The following RNF125 variants were observed in gnomAD, a reference collection of about 807,000 sequenced individuals.
RNF125 encodes E3 ubiquitin-protein ligase RNF125.
RNF125 carries 21 observed loss-of-function variants against 26.0 expected under a neutral mutation model. The observed-to-expected ratio is 0.81, with a 90% CI of 0.57 to 1.16. The LOEUF (loss-of-function observed/expected upper bound fraction) is 1.16, where lower values mean the gene tolerates loss of function less well. RNF125 is among the 50% of genes most tolerant of loss of function. The pLI, the probability that RNF125 is intolerant of heterozygous loss-of-function variation, is 0.00. For missense variants in RNF125, 270 were observed against 299.4 expected, an observed-to-expected ratio of 0.90 and a Z score of 0.72; for synonymous variants, 95 against 109.2, an observed-to-expected ratio of 0.87 and a Z score of 0.81.
chr18:32,038,608 C>T (rs564664851), intron 2 of RNF125, among the ~76,000 whole-genome samples: 2 of 152,252 alleles, frequency 1.3e-5, no homozygotes, highest in South Asian at 4.1e-4. Flanking sequence ...TCAAGCACAC[C>T]TTGCCTGTTG....
intron 1 of RNF125, 116 bp downstream of exon 1, chr18:32,019,143 C>A: frequency 7.8e-7 from 1 of 1,288,616 alleles, no homozygotes; most frequent in Non-Finnish European, 1.1e-6. Flanking sequence ...GAAATTGCTG[C>A]AGGGAGAAAC....
downstream of RNF125, chr18:32,075,773 G>A (rs1174340540): frequency 5.7e-6 from 3 of 529,178 alleles, no homozygotes; most frequent in Non-Finnish European, 1.0e-5. Context: ...ATTGTGCCAT[G>A]CCACCTTTTC....
intron 4 of RNF125, among the ~76,000 whole-genome samples, chr18:32,059,206 C>T (rs1052571135): frequency 2.0e-5 from 3 of 152,132 alleles, no homozygotes; most frequent in Non-Finnish European, 2.9e-5. Context: ...AATTCTTCTC[C>T]GTAGTAGTTG....
chr18:32,055,115 A>G (rs2039367410), intron 4 of RNF125, among the ~76,000 whole-genome samples: 1 of 151,672 alleles, frequency 6.6e-6, no homozygotes, highest in South Asian at 2.1e-4. Context: ...TGGGCAACGG[A>G]GCAAGACCCT....
chr18:32,061,566 T>G (rs1030098768), intron 4 of RNF125, among the ~76,000 whole-genome samples: 2 of 152,214 alleles, frequency 1.3e-5, no homozygotes, highest in African/African-American at 4.8e-5. Flanking sequence ...TCCATTGCCC[T>G]AAGCAGGCCT....
intron 1 of RNF125, among the ~76,000 whole-genome samples, chr18:32,022,941 G>A (rs1354566705): frequency 6.6e-6 from 1 of 151,904 alleles, no homozygotes; most frequent in Non-Finnish European, 1.5e-5. Flanking sequence ...CCCATTTAAA[G>A]CTTAATTTTT....
At chr18:32,024,619 T>C (rs2039016180) in intron 1 of RNF125, among the ~76,000 whole-genome samples, 1 of 151,998 alleles carries the variant, frequency 6.6e-6, no homozygotes, top group African/African-American at 2.4e-5. Flanking sequence ...ATTTTATTTT[T>C]TTATAGAGAC....
At chr18:32,019,080 G>A in intron 1 of RNF125, 53 bp downstream of exon 1, 2 of 1,586,734 alleles carry the variant, frequency 1.3e-6, no homozygotes, top group East Asian at 2.3e-5. Context: ...GGCGATGTGG[G>A]GAAGCTGAGG....
At chr18:32,048,437 C>CCAA (rs2039293499) in intron 4 of RNF125, among the ~76,000 whole-genome samples, 1 of 69,690 alleles carries the variant, frequency 1.4e-5, no homozygotes, top group African/African-American at 3.6e-5. Context: ...AAAAAACAAA[C>CCAA]AAAAAAACCC....
At chr18:32,020,910 A>G (rs1195609816) in intron 1 of RNF125, among the ~76,000 whole-genome samples, 1 of 152,014 alleles carries the variant, frequency 6.6e-6, no homozygotes, top group Non-Finnish European at 1.5e-5. Flanking sequence ...CTCAGTCTCA[A>G]AAAAAAGAAA....
chr18:32,064,063 C>T (rs1335879353), intron 4 of RNF125, among the ~76,000 whole-genome samples: 35 of 150,706 alleles, frequency 2.3e-4, no homozygotes, highest in Admixed American at 2.3e-3. Flanking sequence ...GGTGCGATCT[C>T]GGCTTACTGC....
rs568658573 is a variant in RNF125, at chr18:32,032,169, C to T, written c.165-4947C>T. On this transcript the variant is annotated intron_variant, in intron 1 of 5. Transcript: ENST00000217740. ...TTGGCTCACTGCATCCTCCGCCTCC[C>T]GGGTTCAAGTGATTCTCCCACCTCA... 9.2e-5 allele frequency among the ~76,000 whole-genome samples: 14 copies of T among 152,156 alleles called. No individual in the cohort carries two copies. In the East Asian group the frequency reaches 1.7e-3, roughly 19 times the overall value.
At chr18:32,021,238 C>A (rs1459728631) in intron 1 of RNF125, among the ~76,000 whole-genome samples, 1 of 152,160 alleles carries the variant, frequency 6.6e-6, no homozygotes, top group Non-Finnish European at 1.5e-5. Flanking sequence ...CGCCACCACG[C>A]CCGGCTAATT....
At chr18:32,079,941 A>C in the RNF125 span, among the ~76,000 whole-genome samples, 1 of 152,230 alleles carries the variant, frequency 6.6e-6, no homozygotes, top group African/African-American at 2.4e-5. Flanking sequence ...TACAGAGTCA[A>C]CCTAGGTAAC....
intron 1 of RNF125, among the ~76,000 whole-genome samples, chr18:32,020,033 T>TGTGTGTGTGTGTGTGTG (rs71384924): frequency 7.3e-6 from 1 of 137,570 alleles, no homozygotes; most frequent in African/African-American, 2.7e-5. Context: ...TGTGTGTGTG[T>TGTGTGTGTGTGTGTGTG]TTGAGAGAGA....
At chr18:32,086,665 C>T in the RNF125 span, among the ~76,000 whole-genome samples, 11 of 152,166 alleles carry the variant, frequency 7.2e-5, no homozygotes, top group South Asian at 2.1e-3. Flanking sequence ...GGATTACAGG[C>T]TCCTGCCACC....
At chr18:32,059,331 A>C (rs1284759149) in intron 4 of RNF125, among the ~76,000 whole-genome samples, 2 of 152,108 alleles carry the variant, frequency 1.3e-5, no homozygotes. Context: ...CGGTGAGATG[A>C]TATCTCATTG....
chr18:32,044,241 G>A (rs1203092129), intron 3 of RNF125, among the ~76,000 whole-genome samples: 2 of 152,028 alleles, frequency 1.3e-5, no homozygotes, highest in African/African-American at 2.4e-5. Context: ...TCCTGACCTC[G>A]TGATCCACCC....
chr18:32,048,289 G>A (rs2039291712), intron 4 of RNF125, among the ~76,000 whole-genome samples: 1 of 151,420 alleles, frequency 6.6e-6, no homozygotes, highest in Non-Finnish European at 1.5e-5. Context: ...AGCCGGGTGT[G>A]GTGGGGGGCA....
Sources: allele counts gnomAD v4.1 joint callset (sites outside exome capture counted in the v4.1 genomes callset), GRCh38; gene constraint gnomAD v4.1.1; transcripts MANE v1.5; gene names NCBI Gene and HGNC (gene_info 2026-07-23, HGNC 2026-07-21).